Variants in SPOCK1 observed in about 807,000 individuals in gnomAD.
SPOCK1 encodes the protein SPARC (osteonectin), cwcv and kazal like domains proteoglycan 1.
In SPOCK1, 23 loss-of-function variants were observed where a neutral mutation model predicts 55.3. The observed-to-expected ratio is 0.42, with a 90% CI of 0.30 to 0.59. The LOEUF (loss-of-function observed/expected upper bound fraction) is 0.59. SPOCK1 is among the 20% of genes least tolerant of loss of function. The pLI is 0.22. For synonymous variants in SPOCK1, 226 were observed against 221.0 expected, an observed-to-expected ratio of 1.02 and a Z score of -0.20; for missense variants, 499 against 552.5, an observed-to-expected ratio of 0.90 and a Z score of 0.97.
At chr5:137,404,660 C>T (rs185071948) in intron 2 of SPOCK1, among the ~76,000 whole-genome samples, 134 of 150,862 alleles carry the variant, frequency 8.9e-4, no homozygotes, top group African/African-American at 2.7e-3. Flanking sequence ...CCTTGTGATA[C>T]ACCTGCTTCA....
chr5:137,196,906 C>T, intron 3 of SPOCK1, among the ~76,000 whole-genome samples: 1 of 152,214 alleles, frequency 6.6e-6, no homozygotes, highest in Middle Eastern at 3.2e-3. Context: ...CTTGCAATAG[C>T]TGGTCTAGTT....
Position 137,429,264 on chromosome 5 carries a change from G to C in SPOCK1, c.186+69109C>G, listed in dbSNP as rs528490687. Among the ~76,000 whole-genome samples, 3 of 152,170 alleles carry C rather than the reference G, an allele frequency of 2.0e-5. No homozygotes were observed. The East Asian group carries it at 5.8e-4, about 29-fold the overall frequency. ...TCTGCCCCTTGGGATCACATATCCC[G>C]CAAAACATAATCCCACAGAAAACTT... is the stretch of plus-strand genomic sequence containing the variant. On this transcript the variant is annotated intron_variant, in intron 2 of 10. Coordinates refer to ENST00000394945, the MANE Select transcript of SPOCK1 (RefSeq NM_004598.4).
chr5:137,225,096 A>T (rs1342155434), intron 3 of SPOCK1, among the ~76,000 whole-genome samples: 1 of 152,054 alleles, frequency 6.6e-6, no homozygotes, highest in African/African-American at 2.4e-5. Flanking sequence ...ACGTCCACCA[A>T]GCCAGCCCAA....
At chr5:137,337,696 G>A (rs969242705) in intron 2 of SPOCK1, among the ~76,000 whole-genome samples, 18 of 152,144 alleles carry the variant, frequency 1.2e-4, no homozygotes, top group African/African-American at 3.4e-4. Context: ...ATAACAGCAC[G>A]TATACAAGTG....
At chr5:136,984,900 G>A in intron 9 of SPOCK1, among the ~76,000 whole-genome samples, 1 of 152,214 alleles carries the variant, frequency 6.6e-6, no homozygotes, top group Admixed American at 6.5e-5. Context: ...CAGTGGGGAA[G>A]GTGCTGGACT....
intron 2 of SPOCK1, among the ~76,000 whole-genome samples, chr5:137,441,044 G>A (rs1016368834): frequency 3.3e-5 from 5 of 152,074 alleles, no homozygotes; most frequent in South Asian, 2.1e-4. Context: ...ACTAATGCTC[G>A]TTCACTTGTC....
intron 3 of SPOCK1, 26 bp downstream of exon 3, chr5:137,266,984 A>G (rs781036869): frequency 5.0e-6 from 8 of 1,604,144 alleles, no homozygotes; most frequent in Non-Finnish European, 6.0e-6. Context: ...CACAGACTAT[A>G]CAGCAAGAAA....
At chr5:137,152,039 T>C (rs527811982) in intron 3 of SPOCK1, among the ~76,000 whole-genome samples, 3 of 152,318 alleles carry the variant, frequency 2.0e-5, no homozygotes, top group South Asian at 4.1e-4. Flanking sequence ...CCTCAACTGA[T>C]AACATTGAAG....
Position 136,977,973 on chromosome 5 carries a change from A to T in SPOCK1, c.*681T>A. The T allele has an allele frequency of 2.5e-6, 1 of 398,962 alleles. No individual in the cohort carries two copies. The highest frequency in any genetic ancestry group is 4.4e-6 in the Non-Finnish European group (1 of 226,020). The allele number at this position is 398,962 out of a possible 1,614,324, so 24.7% of individuals were successfully genotyped here. A position where few individuals can be genotyped will look rare whatever the true frequency, so the allele number is the denominator to read the frequency against. ...AGAGGTATGGGTGTGTGTGCAAGGC[A>T]CACACATACAGTCTTTCTGTACATG... On this transcript the variant is annotated 3_prime_UTR_variant, in exon 11 of 11. Transcript: ENST00000394945.
chr5:137,307,162 C>T (rs946006105), intron 2 of SPOCK1, among the ~76,000 whole-genome samples: 1 of 152,164 alleles, frequency 6.6e-6, no homozygotes, highest in East Asian at 1.9e-4. Flanking sequence ...TGTTAAGTTT[C>T]CACACACTAG....
At chr5:137,410,390 T>A (rs1416929557) in intron 2 of SPOCK1, among the ~76,000 whole-genome samples, 1 of 152,212 alleles carries the variant, frequency 6.6e-6, no homozygotes, top group Admixed American at 6.5e-5. Context: ...CCTTGGAAAC[T>A]GATGACCATG....
intron 2 of SPOCK1, among the ~76,000 whole-genome samples, chr5:137,339,339 G>C (rs2127155168): frequency 1.3e-5 from 2 of 152,338 alleles, no homozygotes; most frequent in Non-Finnish European, 2.9e-5. Flanking sequence ...TCCATGGATG[G>C]GCACATTTTC....
intron 5 of SPOCK1, among the ~76,000 whole-genome samples, chr5:137,103,985 G>A (rs1240406912): frequency 6.6e-6 from 1 of 152,220 alleles, no homozygotes; most frequent in Admixed American, 6.5e-5. Flanking sequence ...AATGTATACA[G>A]CAAAATCACG....
At chr5:137,469,788 G>T in intron 2 of SPOCK1, among the ~76,000 whole-genome samples, 1 of 152,180 alleles carries the variant, frequency 6.6e-6, no homozygotes, top group Non-Finnish European at 1.5e-5. Flanking sequence ...GGATGGACTG[G>T]TGATATGGAT....
At chr5:137,364,770 T>C (rs1346078888) in intron 2 of SPOCK1, among the ~76,000 whole-genome samples, 1 of 152,194 alleles carries the variant, frequency 6.6e-6, no homozygotes, top group Admixed American at 6.5e-5. Flanking sequence ...TAGAGCAGGA[T>C]TTAAGAGCCA....
intron 2 of SPOCK1, among the ~76,000 whole-genome samples, chr5:137,282,571 A>T (rs1336483052): frequency 6.6e-6 from 1 of 152,234 alleles, no homozygotes. Flanking sequence ...TGCCTTCATA[A>T]TAAGGTGATA....
intron 6 of SPOCK1, among the ~76,000 whole-genome samples, chr5:137,023,298 C>G (rs1344752890): frequency 2.0e-5 from 3 of 152,124 alleles, no homozygotes; most frequent in African/African-American, 4.8e-5. Context: ...GATAAAGTGA[C>G]TTATTTTGGT....
At chr5:137,353,581 A>G (rs928142472) in intron 2 of SPOCK1, among the ~76,000 whole-genome samples, 2 of 152,090 alleles carry the variant, frequency 1.3e-5, no homozygotes, top group Non-Finnish European at 2.9e-5. Flanking sequence ...AGACCTCCCC[A>G]TCAGTTAAAG....
chr5:137,387,650 C>T (rs750953247), intron 2 of SPOCK1, among the ~76,000 whole-genome samples: 10 of 152,100 alleles, frequency 6.6e-5, no homozygotes, highest in Non-Finnish European at 1.0e-4. Context: ...CATGTCCAAA[C>T]CCATAAAATG....
Sources: gnomAD v4.1 joint callset for allele counts (sites outside exome capture counted in the v4.1 genomes callset) on GRCh38, gnomAD v4.1.1 for gene constraint, MANE v1.5 for transcripts, NCBI Gene and HGNC (gene_info 2026-07-23, HGNC 2026-07-21) for gene names.